Variants in ATP2B1 observed in about 807,000 individuals in gnomAD.
ATP2B1 encodes plasma membrane calcium-transporting ATPase 1.
Under a neutral mutation model 124.2 loss-of-function variants are expected in ATP2B1, and 14 were observed. The ratio of observed to expected loss-of-function variants is 0.11; its 90% CI spans 0.07 to 0.18. The LOEUF (loss-of-function observed/expected upper bound fraction) is 0.18. Among genes scored for constraint, ATP2B1 ranks in the 10% least tolerant of loss-of-function variants. The pLI, the probability that ATP2B1 is intolerant of heterozygous loss-of-function variation, is 1.00. For missense variants in ATP2B1, 763 were observed against 1,466.1 expected (o/e 0.52, Z 7.83); for synonymous variants, 449 against 492.4 (o/e 0.91, Z 1.17).
At chr12:89,600,679 G>A (rs1051210647) in intron 19 of ATP2B1, among the ~76,000 whole-genome samples, 4 of 143,302 alleles carry the variant, frequency 2.8e-5, no homozygotes, top group South Asian at 2.2e-4. Flanking sequence ...ATGAAGTCTC[G>A]CTCTTCTCTC....
In ATP2B1 at chr12:89,626,497, T is replaced by C. The variant is rs1880894151; in HGVS notation, c.1086A>G (p.Leu362=). Residue 362 remains leucine (L), a synonymous_variant, in exon 8 of 21, where the codon TTA becomes TTG. Coordinates refer to ENST00000428670, the MANE Select transcript of ATP2B1 (RefSeq NM_001366521.1). ...ANLPKKEKSV[L]QGKLTKLAVQ... is the part of the protein sequence containing the mutation. ...CAGCCAGTTTTGTAAGTTTCCCTTGTAAAACAGATTTTTCCTTTTTTGGCA... is the reference window on the plus strand; with the variant it reads ...CAGCCAGTTTTGTAAGTTTCCCTTGCAAAACAGATTTTTCCTTTTTTGGCA... The C allele has an allele frequency of 6.2e-7, 1 of 1,613,670 alleles. No individual in the cohort carries two copies. The highest frequency in any genetic ancestry group is 8.5e-7 in the Non-Finnish European group (1 of 1,179,856).
At chr12:89,645,607 TTC>T (rs1884326437) in intron 2 of ATP2B1, among the ~76,000 whole-genome samples, 1 of 152,164 alleles carries the variant, frequency 6.6e-6, no homozygotes, top group African/African-American at 2.4e-5. Flanking sequence ...TGAGAAGACT[TTC>T]GAGCAGAACA....
chr12:89,686,710 C>A (rs1258868140), intron 1 of ATP2B1, among the ~76,000 whole-genome samples: 2 of 152,042 alleles, frequency 1.3e-5, no homozygotes, highest in East Asian at 1.9e-4. Context: ...ATGCCTACAT[C>A]GGTGCATGGC....
chr12:89,677,692 A>T (rs1592949400), intron 1 of ATP2B1, among the ~76,000 whole-genome samples: 1 of 152,092 alleles, frequency 6.6e-6, no homozygotes, highest in East Asian at 1.9e-4. Context: ...ACCAAACTTC[A>T]TACCAATGTT....
intron 10 of ATP2B1, among the ~76,000 whole-genome samples, chr12:89,621,258 T>G (rs1879915035): frequency 6.6e-6 from 1 of 152,050 alleles, no homozygotes; most frequent in African/African-American, 2.4e-5. Flanking sequence ...TTCTCAAAAA[T>G]GAGCTTAACA....
intron 3 of ATP2B1, among the ~76,000 whole-genome samples, chr12:89,638,099 G>A (rs1882977997): frequency 6.6e-6 from 1 of 151,892 alleles, no homozygotes; most frequent in Admixed American, 6.6e-5. Flanking sequence ...GAAGTTATAG[G>A]GGAAAAAGGA....
intron 1 of ATP2B1, among the ~76,000 whole-genome samples, chr12:89,675,855 C>T (rs766053432): frequency 7.9e-5 from 12 of 151,954 alleles, no homozygotes; most frequent in African/African-American, 1.7e-4. Context: ...AGTTTCCTGA[C>T]GAGCCAGGAG....
At position 89,615,057 on chromosome 12, in the gene ATP2B1, C is replaced by A. The variant is rs370696745; in HGVS notation, c.2067+1745G>T. On this transcript the variant is annotated intron_variant, in intron 12 of 20. Coordinates refer to ENST00000428670, the MANE Select transcript of ATP2B1 (RefSeq NM_001366521.1). Reference sequence around the variant, plus strand: ...CTCACAGCCCAGTAAGGCCAGAGATCATCTCGTCTCCCCTTTCTTCTTTAC... The same window carrying A: ...CTCACAGCCCAGTAAGGCCAGAGATAATCTCGTCTCCCCTTTCTTCTTTAC... Among the ~76,000 whole-genome samples, 21 of 152,276 alleles carry A rather than the reference C, an allele frequency of 1.4e-4. No individual in the cohort carries two copies. The East Asian group carries it at 3.9e-3, about 28-fold the overall frequency.
chr12:89,599,104 A>G lies in ATP2B1; in HGVS notation c.3351+13T>C, dbSNP rs756609401. The G allele has an allele frequency of 6.2e-7, 1 of 1,612,442 alleles. No homozygotes were observed. Among genetic ancestry groups the G allele is most frequent in the South Asian group, 1.1e-5 (1 of 90,912 alleles). On this transcript the variant is annotated intron_variant, in intron 20 of 20. Transcript: ENST00000428670. ...CTCCCATCATCTCTCCTACCTCTCT[A>G]CCAGGCCCATACCTGTGTTTGGATT...
chr12:89,661,030 T>G (rs951653784), intron 1 of ATP2B1, among the ~76,000 whole-genome samples: 7 of 152,174 alleles, frequency 4.6e-5, no homozygotes, highest in Non-Finnish European at 7.4e-5. Flanking sequence ...GAGCACAAAT[T>G]ATTGATTTAG....
At chr12:89,599,398 G>C in intron 19 of ATP2B1, 99 bp from the exon 20 acceptor site, 1 of 1,285,322 alleles carries the variant, frequency 7.8e-7, no homozygotes, top group Non-Finnish European at 1.1e-6. Context: ...GAGAGTATCC[G>C]ACTATCTTTA....
At chr12:89,637,199 A>T (rs1400447901) in intron 3 of ATP2B1, among the ~76,000 whole-genome samples, 2 of 152,226 alleles carry the variant, frequency 1.3e-5, no homozygotes, top group African/African-American at 4.8e-5. Context: ...GGAATTTACC[A>T]GTCATATTTT....
At chr12:89,677,971 T>TATATATATATATATATATACACAC (rs1461216851) in intron 1 of ATP2B1, among the ~76,000 whole-genome samples, 12 of 52,314 alleles carry the variant, frequency 2.3e-4, no homozygotes, top group East Asian at 5.2e-4. Flanking sequence ...TATATATATA[T>TATATATATATATATATATACACAC]ACACACACAC....
At chr12:89,702,572 G>A (rs1021970249) in intron 1 of ATP2B1, among the ~76,000 whole-genome samples, 2 of 152,130 alleles carry the variant, frequency 1.3e-5, no homozygotes, top group Non-Finnish European at 2.9e-5. Flanking sequence ...CATCTTTCAA[G>A]TTAAACAGTC....
chr12:89,707,153 C>G (rs1232892573), intron 1 of ATP2B1, among the ~76,000 whole-genome samples: 2 of 152,070 alleles, frequency 1.3e-5, no homozygotes, highest in Admixed American at 1.3e-4. Flanking sequence ...TCTTAATTCC[C>G]CCAATCCACC....
chr12:89,651,133 T>C (rs776139272), intron 2 of ATP2B1, among the ~76,000 whole-genome samples: 1 of 152,252 alleles, frequency 6.6e-6, no homozygotes, highest in Non-Finnish European at 1.5e-5. Flanking sequence ...TGGGAAGTTT[T>C]TAATATGAAA....
chr12:89,646,560 A>G lies in ATP2B1; in HGVS notation c.209-4205T>C, dbSNP rs1884478849. Among the ~76,000 whole-genome samples, 3 of 152,212 alleles carry G rather than the reference A, an allele frequency of 2.0e-5. No individual in the cohort carries two copies. In the South Asian group the frequency reaches 6.2e-4, roughly 32 times the overall value. ...AGCCCAGAGACGAAAAGAGGTTTTA[A>G]AAAGGTGATGTGGCTGACCATGACA... On this transcript the variant is annotated intron_variant, in intron 2 of 20. Coordinates refer to ENST00000428670, the MANE Select transcript of ATP2B1 (RefSeq NM_001366521.1).
chr12:89,645,914 G>GA (rs1176398228), intron 2 of ATP2B1, among the ~76,000 whole-genome samples: 1 of 152,160 alleles, frequency 6.6e-6, no homozygotes, highest in Non-Finnish European at 1.5e-5. Flanking sequence ...AAGATTGAAG[G>GA]AAAAAGACCA....
At chr12:89,674,440 T>G (rs969882620) in intron 1 of ATP2B1, among the ~76,000 whole-genome samples, 2 of 151,176 alleles carry the variant, frequency 1.3e-5, no homozygotes, top group Non-Finnish European at 2.9e-5. Context: ...TAGAAACAAA[T>G]TCTTTGAACT....
Sources: allele counts gnomAD v4.1 joint callset (sites outside exome capture counted in the v4.1 genomes callset), GRCh38; gene constraint gnomAD v4.1.1; transcripts MANE v1.5; gene names NCBI Gene and HGNC (gene_info 2026-07-23, HGNC 2026-07-21).